Variants in TLN1 observed in about 807,000 individuals in gnomAD.
TLN1 encodes the protein talin 1.
A neutral mutation model predicts 292.3 loss-of-function variants in TLN1; 56 were observed. That is an observed-to-expected ratio of 0.19 (90% CI 0.15 to 0.24). TLN1 has a LOEUF of 0.24. Among genes scored for constraint, TLN1 ranks in the 10% least tolerant of loss-of-function variants. TLN1 has a pLI of 1.00. For missense variants in TLN1, 2,433 were observed against 3,248.2 expected (o/e 0.75, Z 6.10); for synonymous variants, 1,119 against 1,253.7 (o/e 0.89, Z 2.27).
In TLN1 at chr9:35,714,982, T is replaced by A. The variant is rs961038026; in HGVS notation, c.2754+77A>T. 5.5e-5 allele frequency: 89 copies of A among 1,611,030 alleles called. No individual in the cohort carries two copies. The highest frequency in any genetic ancestry group is 7.2e-5 in the Non-Finnish European group (85 of 1,179,878). ...GCCTCAAGGACGTATTAACTTACTC[T>A]CCGCACCTCCCTTTCAGTTCATTCC... On this transcript the variant is annotated intron_variant, in intron 21 of 56. Transcript: ENST00000314888. The surrounding 1 kb of genome is among the most constrained non-coding windows in gnomAD (Gnocchi z 4.6).
rs1825859305 is a variant in TLN1, at chr9:35,720,335, G to T, written c.1283+98C>A. ...TCACTACAGCCTGCAACTAGTTAAA[G>T]AACCATTCTAAGGACTCCCCACCTC... On this transcript the variant is annotated intron_variant, in intron 12 of 56. Transcript: ENST00000314888. The T allele has an allele frequency of 4.5e-6, 7 of 1,544,434 alleles. No homozygotes were observed. In the South Asian group the frequency reaches 5.9e-5, roughly 13 times the overall value.
chr9:35,697,795 T>C lies in TLN1; in HGVS notation c.7622A>G (p.His2541Arg). ...CATTAAATAGAAGAGGCTTCTTTAG[T>C]GCTCATCTCGAAGCTCTGAAGGCAG... ...KFLPSELRDE[H>R] The change falls in exon 57 of 57, where the codon CAC becomes CGC. Residue 2541 changes from histidine to arginine, a missense_variant. Transcript: ENST00000314888. 1 of 1,614,044 alleles carries C rather than the reference T, an allele frequency of 6.2e-7. No individual in the cohort carries two copies. Among genetic ancestry groups the C allele is most frequent in the South Asian group, 1.1e-5 (1 of 91,088 alleles).
Position 35,706,667 on chromosome 9 carries a change from C to T in TLN1, c.5088+101G>A, listed in dbSNP as rs1318042941. 4 of 1,583,250 alleles carry T rather than the reference C, an allele frequency of 2.5e-6. No homozygotes were observed. In the African/African-American group the frequency reaches 5.4e-5, roughly 21 times the overall value. ...CTAACCCTCCTTCGCACATCCCAGC[C>T]TTTGATGTCCCTAAGAAGCCACTCC... On this transcript the variant is annotated intron_variant, in intron 38 of 56. Coordinates refer to ENST00000314888, the MANE Select transcript of TLN1 (RefSeq NM_006289.4). This position sits in a 1 kb window ranked among gnomAD's most constrained non-coding sequence, Gnocchi z 4.2.
chr9:35,704,455 G>A lies in TLN1; in HGVS notation c.5924C>T (p.Thr1975Ile), dbSNP rs374829218. The A allele has an allele frequency of 6.2e-7, 1 of 1,613,654 alleles. No individual in the cohort carries two copies. Among genetic ancestry groups the A allele is most frequent in the Non-Finnish European group, 8.5e-7 (1 of 1,179,776 alleles). Residue 1975 changes from threonine to isoleucine, a missense_variant, in exon 45 of 57, where the codon ACC becomes ATC. Transcript: ENST00000314888. This position sits in a 1 kb window ranked among gnomAD's most constrained non-coding sequence, Gnocchi z 6.9. ...LAALQAGNRG[T>I]QACITAASAV... is the part of the protein sequence containing the mutation. ...GCTGGCTGCTGTGATGCAGGCCTGG[G>A]TGCCACGATTCCCAGCCTGGAGCGC...
At chr9:35,720,984 G>A (rs1825870839) in intron 10 of TLN1, 71 bp from the exon 11 acceptor site, 20 of 1,257,006 alleles carry the variant, frequency 1.6e-5, no homozygotes, top group Non-Finnish European at 2.0e-5. Context: ...TAGGATGGGA[G>A]GCCCAAGGTT....
chr9:35,700,936 T>G (rs1486477579), intron 48 of TLN1, among the ~76,000 whole-genome samples: 1 of 152,226 alleles, frequency 6.6e-6, no homozygotes, highest in Admixed American at 6.5e-5. Flanking sequence ...GCTTACATTC[T>G]GGTTTTGGAC....
At position 35,698,488 on chromosome 9, in the gene TLN1, C is replaced by T. The variant is rs544066721; in HGVS notation, c.7206G>A (p.Ala2402=). 42 of 1,613,808 alleles carry T rather than the reference C, an allele frequency of 2.6e-5. No homozygotes were observed. The highest frequency in any genetic ancestry group is 1.7e-4 in the Admixed American group (10 of 59,984). The change falls in exon 55 of 57, where the codon GCG becomes GCA. Residue 2402 remains alanine, a synonymous_variant. Transcript: ENST00000314888. This position sits in a 1 kb window ranked among gnomAD's most constrained non-coding sequence, Gnocchi z 5.3. ...CTGCCTCACACAGATTGTTGGTGGC[C>T]GCAGCCACCATCCGGGCCTAAAGCA... ...GLISAARMVA[A]ATNNLCEAAN... is the part of the protein sequence containing the mutation.
chr9:35,699,086 G>A lies in TLN1; in HGVS notation c.6945C>T (p.Ala2315=). The part of the protein sequence containing the change: ...AENELLGAAA[A]IEAAAKKLEQ... The stretch of plus-strand genomic sequence containing the variant: ...CTAGCTTTTTGGCTGCAGCCTCAAT[G>A]GCGGCTGCAGCTCCCAGGAGCTCAT... The change falls in exon 52 of 57, where the codon GCC becomes GCT. Residue 2315 remains alanine (A), a synonymous_variant. Transcript: ENST00000314888. The surrounding 1 kb of genome is among the most constrained non-coding windows in gnomAD (Gnocchi z 4.0). 1.2e-6 allele frequency: 2 copies of A among 1,613,994 alleles called. No homozygotes were observed. The highest frequency in any genetic ancestry group is 1.1e-5 in the South Asian group (1 of 91,080).
At chr9:35,727,488 CAAAAG>C (rs1179201005) in intron 1 of TLN1, among the ~76,000 whole-genome samples, 1 of 152,170 alleles carries the variant, frequency 6.6e-6, no homozygotes, top group African/African-American at 2.4e-5. Context: ...TCCAGAGTCT[CAAAAG>C]AGAAGAACCA....
chr9:35,698,195 A>G lies in TLN1; in HGVS notation c.7372-23T>C, dbSNP rs1290863305. On this transcript the variant is annotated intron_variant, in intron 55 of 56. Transcript: ENST00000314888. This position sits in a 1 kb window ranked among gnomAD's most constrained non-coding sequence, Gnocchi z 5.3. ...AGCCTGGGCAGAGAGAAAGTGGCCT[A>G]GGTTGAGAACTCAGGTACGGTCCCA... The G allele has an allele frequency of 6.2e-7, 1 of 1,613,726 alleles. No individual in the cohort carries two copies. Among genetic ancestry groups the G allele is most frequent in the Admixed American group, 1.7e-5 (1 of 60,018 alleles).
chr9:35,713,064 A>C, intron 26 of TLN1, 21 bp from the exon 27 acceptor site: 1 of 1,584,888 alleles, frequency 6.3e-7, no homozygotes, highest in Non-Finnish European at 8.6e-7. Flanking sequence ...GAGGAGAAAG[A>C]GGGAAGGGAA....
intron 41 of TLN1, 23 bp from the exon 42 acceptor site, chr9:35,705,874 G>A (rs1162728789): frequency 1.2e-6 from 2 of 1,614,080 alleles, no homozygotes; most frequent in South Asian, 1.1e-5. Context: ...GATAGGGAAA[G>A]GGAAAGACTG....
chr9:35,728,435 G>A (rs1366396135), intron 1 of TLN1, among the ~76,000 whole-genome samples: 1 of 152,146 alleles, frequency 6.6e-6, no homozygotes, highest in Non-Finnish European at 1.5e-5. Context: ...GCCTCAGGCT[G>A]CTGGAGACTC....
intron 1 of TLN1, among the ~76,000 whole-genome samples, chr9:35,731,327 A>G (rs1826075181): frequency 6.6e-6 from 1 of 152,146 alleles, no homozygotes; most frequent in South Asian, 2.1e-4. Context: ...GATTCCCAGT[A>G]CCGGCTTGGA....
In TLN1 at chr9:35,706,661, C is replaced by T; in HGVS notation, c.5088+107G>A. ...AATACCCTAACCCTCCTTCGCACATCCCAGCCTTTGATGTCCCTAAGAAGC... is the reference window on the plus strand; with the variant it reads ...AATACCCTAACCCTCCTTCGCACATTCCAGCCTTTGATGTCCCTAAGAAGC... On this transcript the variant is annotated intron_variant, in intron 38 of 56. Coordinates refer to ENST00000314888, the MANE Select transcript of TLN1 (RefSeq NM_006289.4). This position sits in a 1 kb window ranked among gnomAD's most constrained non-coding sequence, Gnocchi z 4.2. 2.5e-6 allele frequency: 4 copies of T among 1,582,752 alleles called. No individual in the cohort carries two copies. The highest frequency in any genetic ancestry group is 3.4e-6 in the Non-Finnish European group (4 of 1,162,116).
Position 35,699,254 on chromosome 9 carries a change from G to A in TLN1, c.6875-98C>T, listed in dbSNP as rs1825422338. On this transcript the variant is annotated intron_variant, in intron 51 of 56. Transcript: ENST00000314888. The surrounding 1 kb of genome is among the most constrained non-coding windows in gnomAD (Gnocchi z 4.0). ...GTATCATCAGGCCCTGGCATCTGTG[G>A]GGACTATGGTCAGAGGCTAGCACAG... 6.4e-7 allele frequency: 1 copy of A among 1,554,574 alleles called. No homozygotes were observed. The highest frequency in any genetic ancestry group is 2.3e-5 in the East Asian group (1 of 44,242).
Position 35,721,914 on chromosome 9 carries a change from G to C in TLN1, c.949-111C>G. The C allele has an allele frequency of 3.5e-6, 5 of 1,428,086 alleles. No individual in the cohort carries two copies. In the Admixed American group the frequency reaches 9.0e-5, roughly 26 times the overall value. The allele number at this position is 1,428,086 out of a possible 1,614,324, so 88.5% of individuals were successfully genotyped here. A position where few individuals can be genotyped will look rare whatever the true frequency, so the allele number is the denominator to read the frequency against. On this transcript the variant is annotated intron_variant, in intron 9 of 56. Coordinates refer to ENST00000314888, the MANE Select transcript of TLN1 (RefSeq NM_006289.4). Reference sequence around the variant, plus strand: ...TGTTGAGGTGGCCGGGAGGGCTAACGGACAAGGGAAAATGCAGGGTAGGGA... The same window carrying C: ...TGTTGAGGTGGCCGGGAGGGCTAACCGACAAGGGAAAATGCAGGGTAGGGA...
At chr9:35,718,999 C>T in intron 16 of TLN1, 75 bp downstream of exon 16, 2 of 1,597,620 alleles carry the variant, frequency 1.3e-6, no homozygotes, top group Admixed American at 1.7e-5. Context: ...AGGCTTCCAT[C>T]CTGTGGCTTG....
In TLN1 at chr9:35,718,918, G is replaced by T. The variant is rs78361284; in HGVS notation, c.1897-8C>A. ...CAGCAGGTTCTGACGGGGCTGTGGA[G>T]AGTGAACACCAGTCAGAAGCTGCCC... On this transcript the variant is annotated splice_polypyrimidine_tract_variant and splice_region_variant and intron_variant, in intron 16 of 56. Coordinates refer to ENST00000314888, the MANE Select transcript of TLN1 (RefSeq NM_006289.4). The T allele has an allele frequency of 7.5e-4, 1,208 of 1,610,968 alleles. 10 individuals carry two copies. The African/African-American group carries it at 0.015, about 20-fold the overall frequency.
Sources: gnomAD v4.1 joint callset for allele counts (sites outside exome capture counted in the v4.1 genomes callset) on GRCh38, gnomAD v4.1.1 for gene constraint, Gnocchi (gnomAD v3.1) non-coding constraint, MANE v1.5 for transcripts, NCBI Gene and HGNC (gene_info 2026-07-23, HGNC 2026-07-21) for gene names.